Variants in TAFA2 observed in about 807,000 individuals in gnomAD.
TAFA2 encodes TAFA chemokine like family member 2, also known as chemokine-like protein TAFA-2.
In TAFA2, 7 loss-of-function variants were observed where a neutral mutation model predicts 18.8. That is an observed-to-expected ratio of 0.37 (90% CI 0.21 to 0.70). The LOEUF (loss-of-function observed/expected upper bound fraction) is 0.70, where lower values mean the gene tolerates loss of function less well. TAFA2 is among the 30% of genes least tolerant of loss of function. The pLI, the probability that TAFA2 is intolerant of heterozygous loss-of-function variation, is 0.53. For synonymous variants in TAFA2, 60 were observed against 54.2 expected, an observed-to-expected ratio of 1.11 and a Z score of -0.47; for missense variants, 122 against 158.1, an observed-to-expected ratio of 0.77 and a Z score of 1.23.
At chr12:61,744,502 A>G (rs1868607165) in intron 4 of TAFA2, among the ~76,000 whole-genome samples, 1 of 152,114 alleles carries the variant, frequency 6.6e-6, no homozygotes, top group East Asian at 1.9e-4. Context: ...TCTTGGCCCT[A>G]TTAAATTATA....
intron 2 of TAFA2, among the ~76,000 whole-genome samples, chr12:61,785,319 T>TTGTG (rs57166010): frequency 0.056 from 7,865 of 140,046 alleles, 186 homozygotes; most frequent in Middle Eastern, 0.094. Flanking sequence ...AATAGTATTC[T>TTGTG]TGTGTGTGTG....
chr12:62,123,724 AAC>A (rs149989772), intron 1 of TAFA2, among the ~76,000 whole-genome samples: 51 of 131,708 alleles, frequency 3.9e-4, no homozygotes, highest in Admixed American at 1.3e-3. Flanking sequence ...ACCCTCCCCC[AAC>A]ACACACACAC....
intron 1 of TAFA2, among the ~76,000 whole-genome samples, chr12:61,897,264 T>G (rs1875888453): frequency 6.6e-6 from 1 of 152,296 alleles, no homozygotes; most frequent in Non-Finnish European, 1.5e-5. Context: ...TATTTCAATT[T>G]GTTTGGTTTC....
intron 1 of TAFA2, among the ~76,000 whole-genome samples, chr12:62,233,769 C>T (rs1296479691): frequency 6.6e-6 from 1 of 152,176 alleles, no homozygotes; most frequent in African/African-American, 2.4e-5. Context: ...CCTTCTGCTC[C>T]TGTTCTTTTA....
At chr12:61,982,093 T>C (rs1879654434) in intron 1 of TAFA2, among the ~76,000 whole-genome samples, 1 of 152,192 alleles carries the variant, frequency 6.6e-6, no homozygotes, top group Non-Finnish European at 1.5e-5. Flanking sequence ...ATATATACCA[T>C]GGAATACTCT....
intron 1 of TAFA2, among the ~76,000 whole-genome samples, chr12:62,111,483 T>A (rs1869728310): frequency 6.6e-6 from 1 of 152,232 alleles, no homozygotes; most frequent in African/African-American, 2.4e-5. Flanking sequence ...GGTGGAGATT[T>A]CTGTAGATGT....
At chr12:61,796,430 A>C (rs994278545) in intron 2 of TAFA2, among the ~76,000 whole-genome samples, 1 of 152,156 alleles carries the variant, frequency 6.6e-6, no homozygotes, top group Non-Finnish European at 1.5e-5. Flanking sequence ...CAGAGTGTAT[A>C]TTGTATTTTT....
At chr12:61,801,283 A>G (rs1490721566) in intron 2 of TAFA2, among the ~76,000 whole-genome samples, 1 of 152,164 alleles carries the variant, frequency 6.6e-6, no homozygotes, top group Non-Finnish European at 1.5e-5. Context: ...TAAAATTTGT[A>G]TGGAACCACA....
Position 62,177,354 on chromosome 12 carries a change from G to A in TAFA2, c.-2+13905C>T, listed in dbSNP as rs56140045. On this transcript the variant is annotated intron_variant, in intron 1 of 4. Transcript: ENST00000416284. Reference sequence around the variant, plus strand: ...GAAAAGTGGACTTCATGGTCTATGAGGCCAAGTTGCTGCAAGCTGGGCAAA... The same window carrying A: ...GAAAAGTGGACTTCATGGTCTATGAAGCCAAGTTGCTGCAAGCTGGGCAAA... Among the ~76,000 whole-genome samples, 772 of 152,360 alleles carry A rather than the reference G, an allele frequency of 5.1e-3. 5 individuals carry two copies. Among genetic ancestry groups the A allele is most frequent in the Middle Eastern group, 0.024 (7 of 294 alleles).
At chr12:61,872,955 TAA>T (rs1874682827) in intron 1 of TAFA2, among the ~76,000 whole-genome samples, 1 of 152,244 alleles carries the variant, frequency 6.6e-6, no homozygotes, top group Admixed American at 6.5e-5. Flanking sequence ...TACATTTGTA[TAA>T]GTGTCTATTT....
intron 4 of TAFA2, among the ~76,000 whole-genome samples, chr12:61,733,634 C>A (rs1868257819): frequency 6.8e-6 from 1 of 147,262 alleles, no homozygotes; most frequent in Non-Finnish European, 1.5e-5. Flanking sequence ...TGATCTATAT[C>A]TCTGTTTTGG....
chr12:62,011,510 G>A (rs1298634880), intron 1 of TAFA2, among the ~76,000 whole-genome samples: 1 of 151,984 alleles, frequency 6.6e-6, no homozygotes, highest in Non-Finnish European at 1.5e-5. Flanking sequence ...GATTAAGGGC[G>A]GTGCAAGATG....
chr12:62,120,329 A>G (rs981025320), intron 1 of TAFA2, among the ~76,000 whole-genome samples: 22 of 152,216 alleles, frequency 1.4e-4, no homozygotes, highest in Non-Finnish European at 8.8e-5. Flanking sequence ...GTACATTTCA[A>G]TGGTCTCATT....
intron 1 of TAFA2, among the ~76,000 whole-genome samples, chr12:61,904,899 T>G (rs1876276655): frequency 6.6e-6 from 1 of 152,200 alleles, no homozygotes; most frequent in Non-Finnish European, 1.5e-5. Flanking sequence ...AGTCTTTGAT[T>G]CAATAAAATG....
intron 1 of TAFA2, among the ~76,000 whole-genome samples, chr12:62,095,878 C>A (rs1868928566): frequency 1.3e-5 from 2 of 152,092 alleles, no homozygotes; most frequent in African/African-American, 2.4e-5. Flanking sequence ...CCCCAGAAAG[C>A]CTCTGTGAGC....
chr12:62,158,536 G>C (rs1328096724), intron 1 of TAFA2, among the ~76,000 whole-genome samples: 1 of 152,172 alleles, frequency 6.6e-6, no homozygotes, highest in Non-Finnish European at 1.5e-5. Flanking sequence ...TGTAAAGTGA[G>C]TCCTCTCAAA....
At chr12:61,785,618 T>C (rs1870705556) in intron 2 of TAFA2, among the ~76,000 whole-genome samples, 1 of 151,514 alleles carries the variant, frequency 6.6e-6, no homozygotes, top group African/African-American at 2.4e-5. Context: ...TGCAGATACC[T>C]ATCCTGCCTT....
intron 1 of TAFA2, among the ~76,000 whole-genome samples, chr12:62,119,195 T>C (rs778965332): frequency 6.6e-6 from 1 of 152,168 alleles, no homozygotes; most frequent in East Asian, 1.9e-4. Context: ...CTGTAGTTAC[T>C]GGAAATTATT....
intron 1 of TAFA2, among the ~76,000 whole-genome samples, chr12:61,997,205 A>G (rs905517585): frequency 8.1e-6 from 1 of 123,424 alleles, no homozygotes; most frequent in Non-Finnish European, 1.8e-5. Flanking sequence ...ATATATATAT[A>G]TAACCCATTA....
Sources: gnomAD v4.1 joint callset for allele counts (sites outside exome capture counted in the v4.1 genomes callset) on GRCh38, gnomAD v4.1.1 for gene constraint, MANE v1.5 for transcripts, NCBI Gene and HGNC (gene_info 2026-07-23, HGNC 2026-07-21) for gene names.